The following RALY variants were observed in gnomAD, a reference collection of about 807,000 sequenced individuals.
RALY encodes the protein RALY heterogeneous nuclear ribonucleoprotein.
A neutral mutation model predicts 30.7 loss-of-function variants in RALY; 15 were observed. The observed-to-expected ratio is 0.49, with a 90% CI of 0.33 to 0.75. The LOEUF is 0.75. RALY is among the 30% of genes least tolerant of loss of function. The pLI is 0.02. For synonymous variants in RALY, 177 were observed against 170.8 expected (o/e 1.04, Z -0.28); for missense variants, 339 against 414.3 (o/e 0.82, Z 1.58).
At chr20:34,042,214 A>C (rs189175935) in intron 2 of RALY, among the ~76,000 whole-genome samples, 2 of 152,290 alleles carry the variant, frequency 1.3e-5, no homozygotes, top group East Asian at 3.9e-4. Flanking sequence ...TACCCTTACC[A>C]AACAAAGACG....
At position 34,077,019 on chromosome 20, in the gene RALY, C is replaced by T; in HGVS notation, c.659-9C>T. ...TTTATTCTCCCCTCCTCCACCCCTT[C>T]CCCTCAAGATGGCAAGAAGAAGGGT... On this transcript the variant is annotated splice_polypyrimidine_tract_variant and intron_variant, in intron 7 of 9. Coordinates refer to ENST00000246194, the MANE Select transcript of RALY (RefSeq NM_016732.3). 1.9e-6 allele frequency: 3 copies of T among 1,610,612 alleles called. No individual in the cohort carries two copies. The highest frequency in any genetic ancestry group is 2.2e-5 in the East Asian group (1 of 44,764).
At position 34,081,944 on chromosome 20, in the gene RALY, G is replaced by A. The variant is rs1441652322; in HGVS notation, c.*2039G>A. On this transcript the variant is annotated 3_prime_UTR_variant, in exon 10 of 10. Transcript: ENST00000246194. Reference sequence around the variant, plus strand: ...GGCAGCAGGGAGAGAGTAGAGATTTGTCAAGAGCCCATGGTGGAGGCTGAG... The same window carrying A: ...GGCAGCAGGGAGAGAGTAGAGATTTATCAAGAGCCCATGGTGGAGGCTGAG... The A allele has an allele frequency of 6.6e-6, 1 of 152,438 alleles. No homozygotes were observed. Among genetic ancestry groups the A allele is most frequent in the Non-Finnish European group, 1.5e-5 (1 of 68,196 alleles). The allele number at this position is 152,438 out of a possible 1,614,324, so 9.4% of individuals were successfully genotyped here.
intron 1 of RALY, among the ~76,000 whole-genome samples, chr20:34,016,836 G>A (rs575339963): frequency 2.4e-4 from 36 of 152,276 alleles, no homozygotes; most frequent in Non-Finnish European, 4.1e-4. Context: ...AGAGGCCAGC[G>A]AGGCAGCCCA....
chr20:34,062,534 T>C (rs2033448097), intron 2 of RALY, among the ~76,000 whole-genome samples: 1 of 152,222 alleles, frequency 6.6e-6, no homozygotes, highest in Non-Finnish European at 1.5e-5. Flanking sequence ...TCTTATTCCA[T>C]TCCTACCCAG....
At chr20:33,994,227 AT>A (rs2030467281) in intron 1 of RALY, 96 bp downstream of exon 1, 1 of 152,288 alleles carries the variant, frequency 6.6e-6, no homozygotes, top group African/African-American at 2.4e-5. Flanking sequence ...GCCGCTGCCT[AT>A]TTTTAGAAAC....
intron 2 of RALY, among the ~76,000 whole-genome samples, chr20:34,067,225 C>T (rs905030932): frequency 3.3e-5 from 5 of 152,124 alleles, no homozygotes; most frequent in Non-Finnish European, 4.4e-5. Flanking sequence ...CGGAAAGTCT[C>T]GCTCTGTCGC....
At chr20:34,058,052 G>C (rs2033306021) in intron 2 of RALY, among the ~76,000 whole-genome samples, 1 of 151,916 alleles carries the variant, frequency 6.6e-6, no homozygotes, top group African/African-American at 2.4e-5. Context: ...TTGCAGTGTA[G>C]AAGCTTGTTT....
chr20:33,996,883 T>C (rs1021228759), intron 1 of RALY, among the ~76,000 whole-genome samples: 2 of 152,184 alleles, frequency 1.3e-5, no homozygotes, highest in Non-Finnish European at 2.9e-5. Flanking sequence ...GCAATATTTG[T>C]CCTTTTGTGC....
At chr20:34,046,238 C>T (rs941615500) in intron 2 of RALY, among the ~76,000 whole-genome samples, 7 of 152,184 alleles carry the variant, frequency 4.6e-5, no homozygotes, top group Admixed American at 3.3e-4. Flanking sequence ...AGCCCAGCCC[C>T]AGTCTTATCT....
intron 1 of RALY, among the ~76,000 whole-genome samples, chr20:34,015,713 C>T (rs1299308930): frequency 6.6e-6 from 1 of 152,064 alleles, no homozygotes. Context: ...TAGGAGCCTT[C>T]AGGCAAAGCC....
intron 2 of RALY, among the ~76,000 whole-genome samples, chr20:34,039,423 C>T (rs1451499517): frequency 1.3e-5 from 2 of 152,230 alleles, no homozygotes; most frequent in African/African-American, 4.8e-5. Flanking sequence ...TTTCTCTTTG[C>T]ATCCTCCATA....
intron 2 of RALY, among the ~76,000 whole-genome samples, chr20:34,055,925 G>C (rs1335558859): frequency 6.6e-6 from 1 of 152,186 alleles, no homozygotes; most frequent in African/African-American, 2.4e-5. Flanking sequence ...TGCTTGAGGA[G>C]AGGAGACTAA....
At position 34,024,966 on chromosome 20, in the gene RALY, G is replaced by A. The variant is rs77109595; in HGVS notation, c.-92-6556G>A. On this transcript the variant is annotated intron_variant, in intron 1 of 9. Coordinates refer to ENST00000246194, the MANE Select transcript of RALY (RefSeq NM_016732.3). ...GAAGGGTTGAGGCAGTTTTGAGGCTGAGGGGTTAGGGGGAGCTGGAACCCA... is the reference window on the plus strand; with the variant it reads ...GAAGGGTTGAGGCAGTTTTGAGGCTAAGGGGTTAGGGGGAGCTGGAACCCA... Among the ~76,000 whole-genome samples, 668 of 152,346 alleles carry A rather than the reference G, an allele frequency of 4.4e-3. 32 individuals are homozygous for A. In the East Asian group the frequency reaches 0.1, roughly 23 times the overall value.
intron 2 of RALY, among the ~76,000 whole-genome samples, chr20:34,032,774 C>A (rs2032334346): frequency 6.6e-6 from 1 of 152,028 alleles, no homozygotes; most frequent in African/African-American, 2.4e-5. Context: ...TCAGTCTGAC[C>A]ATAAATACCA....
rs148632354 is a variant in RALY at position 34,056,147 on chromosome 20, C to T, written c.-9-15919C>T. 3.0e-4 allele frequency among the ~76,000 whole-genome samples: 46 copies of T among 152,316 alleles called. No individual in the cohort carries two copies. In the East Asian group the frequency reaches 7.5e-3, roughly 25 times the overall value. ...CGGCTAGGCACTCTAGTATCATCGG[C>T]ATCATTTCTTGTTACATCCTAGACT... is the stretch of plus-strand genomic sequence containing the variant. On this transcript the variant is annotated intron_variant, in intron 2 of 9. Coordinates refer to ENST00000246194, the MANE Select transcript of RALY (RefSeq NM_016732.3).
At position 34,006,907 on chromosome 20, in the gene RALY, C is replaced by T. The variant is rs533156238; in HGVS notation, c.-93+12776C>T. 1.2e-4 allele frequency among the ~76,000 whole-genome samples: 18 copies of T among 152,266 alleles called. No homozygotes were observed. In the South Asian group the frequency reaches 3.5e-3, roughly 30 times the overall value. ...AGTGATGCATGAGTGTAGTTATCCC[C>T]CCCATTATTTGTTGAAGAAGCTGGA... On this transcript the variant is annotated intron_variant, in intron 1 of 9. Coordinates refer to ENST00000246194, the MANE Select transcript of RALY (RefSeq NM_016732.3).
intron 2 of RALY, among the ~76,000 whole-genome samples, chr20:34,037,053 C>T (rs1045977381): frequency 7.2e-5 from 11 of 152,122 alleles, no homozygotes; most frequent in Non-Finnish European, 7.3e-5. Flanking sequence ...GCAGGATACA[C>T]CCCAAACCAA....
intron 2 of RALY, among the ~76,000 whole-genome samples, chr20:34,063,492 G>A (rs887873811): frequency 1.3e-5 from 2 of 152,198 alleles, no homozygotes; most frequent in African/African-American, 4.8e-5. Context: ...GTAGAGTGCA[G>A]ATGATACTAC....
chr20:34,076,128 T>TA lies in RALY; in HGVS notation c.544+92dup, dbSNP rs1289611379. The TA allele has an allele frequency of 2.1e-6, 3 of 1,450,048 alleles. No individual in the cohort carries two copies. In the Admixed American group the frequency reaches 6.1e-5, roughly 29 times the overall value. 89.8% of individuals were successfully genotyped at this position (1,450,048 alleles called of 1,614,324 possible). ...CACATTTTTTACATTGGAACATAGA[T>TA]AAAACAACAAGTCTTCCACAGTTCT... On this transcript the variant is annotated intron_variant, in intron 6 of 9. Coordinates refer to ENST00000246194, the MANE Select transcript of RALY (RefSeq NM_016732.3).
Sources: gnomAD v4.1 joint callset for allele counts (sites outside exome capture counted in the v4.1 genomes callset) on GRCh38, gnomAD v4.1.1 for gene constraint, MANE v1.5 for transcripts, NCBI Gene and HGNC (gene_info 2026-07-23, HGNC 2026-07-21) for gene names.